The following TNRC18 variants were observed in gnomAD, a reference collection of about 807,000 sequenced individuals.
The protein encoded by TNRC18 is trinucleotide repeat containing 18, also known as trinucleotide repeat-containing gene 18 protein.
In TNRC18, 69 loss-of-function variants were observed where a neutral mutation model predicts 226.7. The observed-to-expected ratio is 0.30, with a 90% CI of 0.25 to 0.37. The LOEUF is 0.37. Ranked by LOEUF, TNRC18 falls within the 10% of genes least tolerant of loss-of-function variation. TNRC18 has a pLI of 1.00. For missense variants in TNRC18, 4,754 were observed against 4,256.6 expected (o/e 1.12, Z -3.25); for synonymous variants, 2,449 against 1,927.6 (o/e 1.27, Z -7.09).
chr7:5,323,340 C>T (rs1788569103), intron 21 of TNRC18, among the ~76,000 whole-genome samples: 2 of 149,976 alleles, frequency 1.3e-5, no homozygotes, highest in African/African-American at 4.9e-5. Flanking sequence ...CTTCCCCCCA[C>T]CCCCACACCT....
At position 5,315,247 on chromosome 7, in the gene TNRC18, A is replaced by C. The variant is rs1280894080; in HGVS notation, c.6863-99T>G. On this transcript the variant is annotated intron_variant, in intron 25 of 29. Transcript: ENST00000430969. ...CCCGGGGATCAGGGATGGGGGCGGAAGCAACCGACACCAGGTGGCTGACCC... is the reference window on the plus strand; with the variant it reads ...CCCGGGGATCAGGGATGGGGGCGGACGCAACCGACACCAGGTGGCTGACCC... 1.2e-5 allele frequency: 16 copies of C among 1,318,734 alleles called. 1 individual carries two copies. In the South Asian group the frequency reaches 2.5e-4, roughly 20 times the overall value. 81.7% of individuals were successfully genotyped at this position (1,318,734 alleles called of 1,614,324 possible).
intron 17 of TNRC18, among the ~76,000 whole-genome samples, chr7:5,347,172 T>C (rs1421452394): frequency 1.3e-5 from 2 of 149,314 alleles, no homozygotes; most frequent in East Asian, 2.0e-4. Context: ...GCAAACCTTG[T>C]CTCTACAAAA....
In TNRC18 at chr7:5,316,023, G is replaced by A. The variant is rs1268324473; in HGVS notation, c.6795C>T (p.Asp2265=). ...DDGDLITVEF[D]DGDTGRIPLS... ...GGGGGATCCTGCCCGTGTCTCCGTC[G>A]TCAAACTCCACGGTGATCAAGTCCC... The change falls in exon 25 of 30, where the codon GAC becomes GAT. Residue 2265 remains aspartate (D), a synonymous_variant. Coordinates refer to ENST00000430969, the MANE Select transcript of TNRC18 (RefSeq NM_001080495.3). The A allele has an allele frequency of 1.1e-5, 17 of 1,605,284 alleles. No homozygotes were observed. Among genetic ancestry groups the A allele is most frequent in the South Asian group, 2.2e-5 (2 of 89,720 alleles).
At position 5,377,586 on chromosome 7, in the gene TNRC18, G is replaced by A. The variant is rs997960452; in HGVS notation, c.2256-10C>T. ...CAGCTCCTTACTCTCTCTGGAAGGA[G>A]GATCATAGGTGTCAGCGACAGCTCG... On this transcript the variant is annotated splice_polypyrimidine_tract_variant and intron_variant, in intron 6 of 29. Coordinates refer to ENST00000430969, the MANE Select transcript of TNRC18 (RefSeq NM_001080495.3). The surrounding 1 kb of genome is among the most constrained non-coding windows in gnomAD (Gnocchi z 5.8). 1.3e-6 allele frequency: 2 copies of A among 1,568,964 alleles called. No homozygotes were observed. Among genetic ancestry groups the A allele is most frequent in the Non-Finnish European group, 1.7e-6 (2 of 1,156,832 alleles).
chr7:5,324,400 G>T lies in TNRC18; in HGVS notation c.6301-45C>A, dbSNP rs2128118311. The T allele has an allele frequency of 1.9e-6, 3 of 1,600,274 alleles. No homozygotes were observed. Among genetic ancestry groups the T allele is most frequent in the East Asian group, 2.2e-5 (1 of 44,682 alleles). On this transcript the variant is annotated intron_variant, in intron 20 of 29. Transcript: ENST00000430969. The surrounding 1 kb of genome is among the most constrained non-coding windows in gnomAD (Gnocchi z 4.8). ...GACAAATGACTTAGGACCTGAACAG[G>T]GGTCCTGCCGGGTTGGGGACCCTCT...
intron 2 of TNRC18, among the ~76,000 whole-genome samples, chr7:5,410,776 G>A (rs1221313133): frequency 6.7e-6 from 1 of 149,382 alleles, no homozygotes; most frequent in Admixed American, 6.8e-5. Context: ...TGAGGCTTCA[G>A]CGCTTGAACC....
chr7:5,375,938 C>A, intron 9 of TNRC18, 96 bp downstream of exon 9: 1 of 1,271,194 alleles, frequency 7.9e-7, no homozygotes, highest in Non-Finnish European at 1.1e-6. Context: ...TTTTCTCCCT[C>A]CCTGTAACTG....
In TNRC18 at chr7:5,376,578, C is replaced by T. The variant is rs547366319; in HGVS notation, c.2608+269G>A. On this transcript the variant is annotated intron_variant, in intron 8 of 29. Coordinates refer to ENST00000430969, the MANE Select transcript of TNRC18 (RefSeq NM_001080495.3). ...TCTACAAGGTGGATTCCTGGGGAGG[C>T]GGTGGCGCCAGGTAAGGGGAATCCC... is the stretch of plus-strand genomic sequence containing the variant. Among the ~76,000 whole-genome samples the T allele has an allele frequency of 4.1e-3, 629 of 152,280 alleles. 1 individual carries two copies. Among genetic ancestry groups the T allele is most frequent in the Non-Finnish European group, 6.5e-3 (439 of 67,992 alleles).
intron 18 of TNRC18, among the ~76,000 whole-genome samples, chr7:5,342,013 G>T (rs936615450): frequency 3.9e-5 from 6 of 152,186 alleles, no homozygotes; most frequent in African/African-American, 1.4e-4. Context: ...ATAGATGAAG[G>T]AGTAATTTTG....
Position 5,394,155 on chromosome 7 carries a change from G to T in TNRC18, c.343+285C>A, listed in dbSNP as rs1780493224. Among the ~76,000 whole-genome samples, 2 of 152,200 alleles carry T rather than the reference G, an allele frequency of 1.3e-5. No homozygotes were observed. The highest frequency in any genetic ancestry group is 6.5e-5 in the Admixed American group (1 of 15,278). ...AATCTGTCGTCACAAGCAAGTGATG[G>T]AAGTGGGTGCGGAAGAGGGGGTCTC... On this transcript the variant is annotated intron_variant, in intron 3 of 29. Coordinates refer to ENST00000430969, the MANE Select transcript of TNRC18 (RefSeq NM_001080495.3). This position sits in a 1 kb window ranked among gnomAD's most constrained non-coding sequence, Gnocchi z 4.5.
intron 16 of TNRC18, among the ~76,000 whole-genome samples, chr7:5,353,783 G>A (rs1356885793): frequency 6.6e-6 from 1 of 152,130 alleles, no homozygotes; most frequent in Non-Finnish European, 1.5e-5. Context: ...AGAGCCAGGT[G>A]AATCCCACAG....
chr7:5,376,449 T>A (rs928353589), intron 8 of TNRC18, among the ~76,000 whole-genome samples: 1 of 151,644 alleles, frequency 6.6e-6, no homozygotes, highest in Non-Finnish European at 1.5e-5. Context: ...ACACCCGGGG[T>A]GGGATGTTCC....
chr7:5,311,536 G>T (rs1380716348), intron 27 of TNRC18, among the ~76,000 whole-genome samples: 1 of 152,226 alleles, frequency 6.6e-6, no homozygotes, highest in Non-Finnish European at 1.5e-5. Context: ...ACACACAACA[G>T]GCTGTCAGGC....
At chr7:5,338,982 C>T (rs1001830198) in intron 18 of TNRC18, among the ~76,000 whole-genome samples, 27 of 145,992 alleles carry the variant, frequency 1.8e-4, no homozygotes, top group Admixed American at 1.4e-3. Context: ...AGCCCCACAA[C>T]GTCCAAGACA....
chr7:5,342,661 T>G (rs2128136660), intron 18 of TNRC18, among the ~76,000 whole-genome samples: 1 of 152,290 alleles, frequency 6.6e-6, no homozygotes, highest in African/African-American at 2.4e-5. Context: ...TGAGATGGCA[T>G]CTACTCCTGG....
At chr7:5,399,172 G>A (rs79405460) in intron 2 of TNRC18, among the ~76,000 whole-genome samples, 19,120 of 151,742 alleles carry the variant, frequency 0.13, 1,690 homozygotes, top group Middle Eastern at 0.21. Context: ...CCATCCCCCC[G>A]TTTCACCAAG....
intron 24 of TNRC18, chr7:5,320,114 G>A (rs1583756046): frequency 3.5e-6 from 2 of 563,486 alleles, no homozygotes; most frequent in South Asian, 2.0e-5. Context: ...TGACAGCACT[G>A]CTGACAGATA....
At position 5,313,026 on chromosome 7, in the gene TNRC18, G is replaced by A. The variant is rs1165823491; in HGVS notation, c.7865C>T (p.Ser2622Phe). ...GGATGAGGAGGAGGAGGAGGAGGAG[G>A]AGGAGGATGAGGAGGAGGAGGAGGA... Reference protein sequence around the residue: ...PASSSSSSSSSSSSSSSSSSS... With the variant: ...PASSSSSSSSFSSSSSSSSSS... Residue 2622 changes from serine to phenylalanine, a missense_variant, in exon 27 of 30, where the codon TCC becomes TTC. Ser to Phe is a radical substitution (Grantham distance 155). Transcript: ENST00000430969. 2.3e-6 allele frequency: 2 copies of A among 867,320 alleles called. No individual in the cohort carries two copies. Among genetic ancestry groups the A allele is most frequent in the Admixed American group, 2.0e-5 (1 of 48,904 alleles). The allele number at this position is 867,320 out of a possible 1,614,324, so 53.7% of individuals were successfully genotyped here.
chr7:5,394,542 A>G lies in TNRC18; in HGVS notation c.241T>C (p.Ser81Pro). 6.4e-7 allele frequency: 1 copy of G among 1,551,732 alleles called. No individual in the cohort carries two copies. The highest frequency in any genetic ancestry group is 8.7e-7 in the Non-Finnish European group (1 of 1,149,894). ...GGCAGTGGCACTGGGCTCCCATGGGACGAGGCCGAGGGCCCCATCCCGCTG... is the reference window on the plus strand; with the variant it reads ...GGCAGTGGCACTGGGCTCCCATGGGGCGAGGCCGAGGGCCCCATCCCGCTG... The part of the protein sequence containing the change: ...VASGMGPSAS[S>P]HGSPVPLPSD... Residue 81 changes from serine to proline, a missense_variant, in exon 3 of 30, where the codon TCC becomes CCC. By Grantham distance (74) the Ser-to-Pro change is moderately conservative. Coordinates refer to ENST00000430969, the MANE Select transcript of TNRC18 (RefSeq NM_001080495.3). The surrounding 1 kb of genome is among the most constrained non-coding windows in gnomAD (Gnocchi z 4.5).
Sources: allele counts gnomAD v4.1 joint callset (sites outside exome capture counted in the v4.1 genomes callset), GRCh38; gene constraint gnomAD v4.1.1; non-coding constraint Gnocchi (gnomAD v3.1); transcripts MANE v1.5; gene names NCBI Gene and HGNC (gene_info 2026-07-23, HGNC 2026-07-21).